ARL15: variants seen among roughly 807,000 people sequenced by gnomAD.
The protein encoded by ARL15 is ARF like GTPase 15, also known as ADP-ribosylation factor-like protein 15.
Under a neutral mutation model 25.2 loss-of-function variants are expected in ARL15, and 19 were observed. The observed-to-expected ratio is 0.75, with a 90% CI of 0.53 to 1.10. ARL15 has a LOEUF of 1.10. Among genes scored for constraint, ARL15 ranks in the 50% least tolerant of loss-of-function variants. The pLI, the probability that ARL15 is intolerant of heterozygous loss-of-function variation, is 0.00. For missense variants in ARL15, 220 were observed against 246.0 expected, an observed-to-expected ratio of 0.89 and a Z score of 0.71; for synonymous variants, 94 against 86.8, an observed-to-expected ratio of 1.08 and a Z score of -0.46.
chr5:54,228,146 A>T (rs1166064453), intron 1 of ARL15, among the ~76,000 whole-genome samples: 20 of 152,194 alleles, frequency 1.3e-4, no homozygotes, highest in Admixed American at 1.3e-3. Flanking sequence ...TGCCAAACAC[A>T]TTACAATTTC....
intron 4 of ARL15, among the ~76,000 whole-genome samples, chr5:54,015,993 T>C (rs1749415475): frequency 6.6e-6 from 1 of 152,240 alleles, no homozygotes; most frequent in African/African-American, 2.4e-5. Context: ...TCCTGTAACT[T>C]GTGTCACCAC....
intron 1 of ARL15, among the ~76,000 whole-genome samples, chr5:54,196,839 A>G (rs1035411634): frequency 5.9e-5 from 9 of 152,202 alleles, no homozygotes; most frequent in Non-Finnish European, 1.0e-4. Context: ...GTGAACATAC[A>G]GTTATGCCAG....
chr5:54,285,029 C>G (rs1758151145), intron 1 of ARL15, among the ~76,000 whole-genome samples: 1 of 152,112 alleles, frequency 6.6e-6, no homozygotes, highest in Non-Finnish European at 1.5e-5. Flanking sequence ...AGACATAAGG[C>G]ATAACTTGGA....
At chr5:54,221,547 T>G (rs1375961462) in intron 1 of ARL15, among the ~76,000 whole-genome samples, 1 of 152,176 alleles carries the variant, frequency 6.6e-6, no homozygotes, top group Non-Finnish European at 1.5e-5. Flanking sequence ...CTCAAGAAGA[T>G]GGGGTGTGTA....
intron 4 of ARL15, among the ~76,000 whole-genome samples, chr5:54,054,680 C>T (rs950080988): frequency 2.0e-5 from 3 of 152,126 alleles, no homozygotes; most frequent in Non-Finnish European, 4.4e-5. Flanking sequence ...GTCCCAGCTA[C>T]TTGGGAAGCT....
At chr5:53,894,733 C>G (rs550998381) in intron 4 of ARL15, among the ~76,000 whole-genome samples, 1 of 152,162 alleles carries the variant, frequency 6.6e-6, no homozygotes, top group Non-Finnish European at 1.5e-5. Context: ...TTTGCTCCAA[C>G]TACTGCTTCC....
At chr5:54,143,621 T>G (rs1484846571) in intron 3 of ARL15, among the ~76,000 whole-genome samples, 1 of 152,044 alleles carries the variant, frequency 6.6e-6, no homozygotes, top group African/African-American at 2.4e-5. Flanking sequence ...CTTTTTTGAT[T>G]GTTTTATTTC....
At chr5:53,965,528 A>G (rs1747525172) in intron 4 of ARL15, among the ~76,000 whole-genome samples, 1 of 152,156 alleles carries the variant, frequency 6.6e-6, no homozygotes, top group Non-Finnish European at 1.5e-5. Context: ...AATGCAGTGA[A>G]AGCCTTAGAG....
At chr5:54,083,322 C>T (rs1751863242) in intron 4 of ARL15, among the ~76,000 whole-genome samples, 1 of 152,166 alleles carries the variant, frequency 6.6e-6, no homozygotes, top group Admixed American at 6.5e-5. Context: ...GCTAATGGAA[C>T]TAAGGAGAAC....
chr5:54,113,246 A>T lies in ARL15; in HGVS notation c.418T>A (p.Leu140Met), dbSNP rs752467549. 1 of 1,613,756 alleles carries T rather than the reference A, an allele frequency of 6.2e-7. No individual in the cohort carries two copies. Among genetic ancestry groups the T allele is most frequent in the Non-Finnish European group, 8.5e-7 (1 of 1,179,866 alleles). ...PQLCTLPFLI[L>M]ANHQDKPAAR... is the part of the protein sequence containing the mutation. ...GCTGGCTTGTCTTGATGATTGGCCA[A>T]TATTAAAAAGGGTAAAGTGCATAAC... Residue 140 changes from leucine to methionine, a missense_variant, in exon 4 of 5, where the codon TTG becomes ATG. Coordinates refer to ENST00000504924, the MANE Select transcript of ARL15 (RefSeq NM_019087.3).
intron 4 of ARL15, among the ~76,000 whole-genome samples, chr5:53,961,150 T>C (rs1747351764): frequency 6.6e-6 from 1 of 152,110 alleles, no homozygotes; most frequent in Admixed American, 6.6e-5. Flanking sequence ...TAAATCGCTG[T>C]TTAGATTAGG....
rs533223891 is a variant in ARL15, at chr5:54,284,530, T to C, written c.48+25902A>G. Among the ~76,000 whole-genome samples, 5 of 152,326 alleles carry C rather than the reference T, an allele frequency of 3.3e-5. No homozygotes were observed. The South Asian group carries it at 8.3e-4, about 25-fold the overall frequency. On this transcript the variant is annotated intron_variant, in intron 1 of 4. Coordinates refer to ENST00000504924, the MANE Select transcript of ARL15 (RefSeq NM_019087.3). Reference sequence around the variant, plus strand: ...CCATATGAAAGGGCTCTAGCACCTATCATGAGAGAATTAACTCTTTTTATG... The same window carrying C: ...CCATATGAAAGGGCTCTAGCACCTACCATGAGAGAATTAACTCTTTTTATG...
At chr5:54,225,920 A>T (rs1296370849) in intron 1 of ARL15, among the ~76,000 whole-genome samples, 1 of 152,208 alleles carries the variant, frequency 6.6e-6, no homozygotes, top group African/African-American at 2.4e-5. Flanking sequence ...GCTGATGGAA[A>T]TGGGACCCCA....
chr5:54,157,442 C>T (rs569784966), intron 2 of ARL15, among the ~76,000 whole-genome samples: 35 of 152,138 alleles, frequency 2.3e-4, no homozygotes, highest in South Asian at 8.3e-4. Context: ...GATGGAGTCT[C>T]GCTCTGTCAC....
At chr5:54,153,657 C>T (rs2112346124) in intron 3 of ARL15, among the ~76,000 whole-genome samples, 1 of 152,210 alleles carries the variant, frequency 6.6e-6, no homozygotes, top group South Asian at 2.1e-4. Flanking sequence ...AGAAGCGAAC[C>T]TGTCCTACAC....
intron 4 of ARL15, among the ~76,000 whole-genome samples, chr5:54,059,633 C>G (rs192347505): frequency 6.6e-6 from 1 of 152,212 alleles, no homozygotes; most frequent in Admixed American, 6.5e-5. Flanking sequence ...GTTACCTCTA[C>G]CAAGTGACAG....
At chr5:53,935,440 T>C (rs1454668356) in intron 4 of ARL15, among the ~76,000 whole-genome samples, 4 of 152,240 alleles carry the variant, frequency 2.6e-5, no homozygotes, top group Non-Finnish European at 5.9e-5. Context: ...CTGTCCTCTT[T>C]AGAGGTGTCT....
intron 1 of ARL15, among the ~76,000 whole-genome samples, chr5:54,209,445 T>C (rs144679306): frequency 1.5e-3 from 235 of 152,220 alleles, no homozygotes; most frequent in African/African-American, 5.4e-3. Context: ...AAGTTCACCA[T>C]TGACCACTGG....
intron 4 of ARL15, among the ~76,000 whole-genome samples, chr5:53,956,573 C>T (rs1336469327): frequency 6.6e-6 from 1 of 151,632 alleles, no homozygotes; most frequent in Non-Finnish European, 1.5e-5. Context: ...GACTTTAAGT[C>T]AGTTGTCTTA....
Sources: allele counts gnomAD v4.1 joint callset (sites outside exome capture counted in the v4.1 genomes callset), GRCh38; gene constraint gnomAD v4.1.1; transcripts MANE v1.5; gene names NCBI Gene and HGNC (gene_info 2026-07-23, HGNC 2026-07-21).